CPS1: variants seen among roughly 807,000 people sequenced by gnomAD.
The protein encoded by CPS1 is carbamoyl-phosphate synthase 1, also known as carbamoyl-phosphate synthase [ammonia], mitochondrial.
CPS1 carries 109 observed loss-of-function variants against 174.6 expected under a neutral mutation model. That is an observed-to-expected ratio of 0.62 (90% CI 0.53 to 0.73). CPS1 has a LOEUF of 0.73. Among genes scored for constraint, CPS1 ranks in the 30% least tolerant of loss-of-function variants. The pLI is 0.00. For missense variants in CPS1, 1,689 were observed against 1,821.9 expected (o/e 0.93, Z 1.33); for synonymous variants, 637 against 632.0 (o/e 1.01, Z -0.12).
At chr2:210,657,705 T>C (rs937723736) in intron 30 of CPS1, 2 of 152,282 alleles carry the variant, frequency 1.3e-5, no homozygotes, top group Admixed American at 6.5e-5. Context: ...GCTTTTCCAG[T>C]GACCCTGCCA....
intron 1 of CPS1, among the ~76,000 whole-genome samples, chr2:210,497,023 CCTT>C (rs1259743459): frequency 1.3e-5 from 2 of 152,012 alleles, no homozygotes; most frequent in Non-Finnish European, 2.9e-5. Context: ...TTATATCTTT[CCTT>C]CTTTTATTTT....
chr2:210,498,773 G>T (rs930617059), intron 1 of CPS1, among the ~76,000 whole-genome samples: 5 of 152,186 alleles, frequency 3.3e-5, no homozygotes, highest in Non-Finnish European at 5.9e-5. Context: ...TGCTCTAGAT[G>T]CTTGGAGATC....
intron 1 of CPS1, among the ~76,000 whole-genome samples, chr2:210,487,941 A>G (rs142577546): frequency 6.6e-6 from 1 of 152,172 alleles, no homozygotes; most frequent in Non-Finnish European, 1.5e-5. Flanking sequence ...CCACAAAATC[A>G]GTTTTCTTGC....
At chr2:210,492,872 G>A (rs1158100176) in intron 1 of CPS1, among the ~76,000 whole-genome samples, 2 of 152,134 alleles carry the variant, frequency 1.3e-5, no homozygotes, top group Non-Finnish European at 2.9e-5. Context: ...CATTGTGATA[G>A]AGTAATGTGT....
chr2:210,664,901 CA>C (rs981636621), intron 33 of CPS1, among the ~76,000 whole-genome samples: 51 of 152,272 alleles, frequency 3.3e-4, no homozygotes, highest in African/African-American at 1.2e-3. Context: ...GAGACATTTT[CA>C]GTGTCCAAAT....
At chr2:210,545,326 A>G (rs188101999) in intron 1 of CPS1, among the ~76,000 whole-genome samples, 18 of 152,100 alleles carry the variant, frequency 1.2e-4, no homozygotes, top group Admixed American at 2.6e-4. Context: ...AATTAATTGG[A>G]TTCTGATAAG....
intron 1 of CPS1, 102 bp downstream of exon 1, chr2:210,556,961 T>C (rs1434962975): frequency 3.9e-6 from 5 of 1,296,976 alleles, no homozygotes; most frequent in East Asian, 4.7e-5. Flanking sequence ...TGAATGTAGC[T>C]CTGAAGTACT....
intron 21 of CPS1, chr2:210,619,951 G>T (rs1440520467): frequency 6.6e-6 from 1 of 151,992 alleles, no homozygotes; most frequent in Non-Finnish European, 1.5e-5. Context: ...GGGGGCTAAG[G>T]GAGGGATAGC....
intron 1 of CPS1, among the ~76,000 whole-genome samples, chr2:210,495,755 A>G (rs1694977273): frequency 6.6e-6 from 1 of 152,190 alleles, no homozygotes; most frequent in Non-Finnish European, 1.5e-5. Context: ...ATATGAAGAA[A>G]AGTACTCAGT....
At chr2:210,634,429 C>G (rs1359826288) in intron 21 of CPS1, among the ~76,000 whole-genome samples, 2 of 149,926 alleles carry the variant, frequency 1.3e-5, no homozygotes, top group African/African-American at 4.9e-5. Context: ...GACTCCGTCT[C>G]AAAAGAAAAA....
intron 16 of CPS1, chr2:210,604,815 A>T (rs980404307): frequency 2.6e-6 from 1 of 384,324 alleles, no homozygotes; most frequent in Non-Finnish European, 4.9e-6. Context: ...CCTCTGCCTG[A>T]TTGCTCAATT....
upstream of CPS1, among the ~76,000 whole-genome samples, chr2:210,555,169 A>G (rs1696870753): frequency 1.3e-5 from 2 of 152,032 alleles, no homozygotes; most frequent in South Asian, 4.1e-4. Flanking sequence ...GGCTTTTAAA[A>G]AATATACCAC....
chr2:210,623,729 G>A (rs1699611853), intron 21 of CPS1, among the ~76,000 whole-genome samples: 1 of 152,140 alleles, frequency 6.6e-6, no homozygotes, highest in Admixed American at 6.5e-5. Flanking sequence ...TCTGGCAGAT[G>A]TAATAATGCA....
chr2:210,501,681 A>C lies in CPS1; in HGVS notation c.3+23915A>C, dbSNP rs149333541. ...TCTATCTGAGACCATCTCAGCCTGG[A>C]CTTCATTGTCCATATCTCTGTCAGC... On this transcript the variant is annotated intron_variant, in intron 1 of 38. Coordinates refer to the CPS1 transcript ENST00000430249. Among the ~76,000 whole-genome samples the C allele has an allele frequency of 5.6e-3, 855 of 152,188 alleles. 7 individuals carry two copies. Among genetic ancestry groups the C allele is most frequent in the Non-Finnish European group, 8.5e-3 (576 of 67,992 alleles).
chr2:210,537,443 T>C (rs1696286207), intron 1 of CPS1, among the ~76,000 whole-genome samples: 2 of 152,182 alleles, frequency 1.3e-5, no homozygotes, highest in Non-Finnish European at 2.9e-5. Context: ...GCCATCCTCC[T>C]CCAGTGGTGT....
Position 210,481,102 on chromosome 2 carries a change from C to G in CPS1, c.3+3336C>G, listed in dbSNP as rs571834902. 4.6e-5 allele frequency among the ~76,000 whole-genome samples: 7 copies of G among 152,226 alleles called. No homozygotes were observed. The South Asian group carries it at 1.5e-3, about 32-fold the overall frequency. The stretch of plus-strand genomic sequence containing the variant: ...TCTCAATGTACCTGCTGGGTGAGAG[C>G]TGCTATTATATGGAACACAGGTGTG... On this transcript the variant is annotated intron_variant, in intron 1 of 38. Coordinates refer to the CPS1 transcript ENST00000430249.
chr2:210,504,546 A>G (rs934256426), intron 1 of CPS1, among the ~76,000 whole-genome samples: 6 of 152,328 alleles, frequency 3.9e-5, no homozygotes, highest in Middle Eastern at 3.4e-3. Flanking sequence ...CATGCAGCTG[A>G]TAAGTTGCTG....
At chr2:210,574,069 T>G (rs1433009950) in intron 2 of CPS1, among the ~76,000 whole-genome samples, 2 of 152,068 alleles carry the variant, frequency 1.3e-5, no homozygotes, top group African/African-American at 2.4e-5. Context: ...AGTTAATAAA[T>G]GTTTGTTCAC....
chr2:210,566,114 C>G (rs1406612129), intron 1 of CPS1, among the ~76,000 whole-genome samples: 1 of 152,094 alleles, frequency 6.6e-6, no homozygotes, highest in African/African-American at 2.4e-5. Flanking sequence ...AGTCATGGGG[C>G]AATGCAGCCC....
Sources: gnomAD v4.1 joint callset for allele counts (sites outside exome capture counted in the v4.1 genomes callset) on GRCh38, gnomAD v4.1.1 for gene constraint, MANE v1.5 for transcripts, NCBI Gene and HGNC (gene_info 2026-07-23, HGNC 2026-07-21) for gene names.